Variants in SLC23A2 observed in about 807,000 individuals in gnomAD.
The protein encoded by SLC23A2 is solute carrier family 23 member 2, also known as Na(+)/L-ascorbic acid transporter 2.
SLC23A2 carries 36 observed loss-of-function variants against 73.3 expected under a neutral mutation model. That is an observed-to-expected ratio of 0.49 (90% CI 0.38 to 0.65). SLC23A2 has a LOEUF of 0.65. Ranked by LOEUF, SLC23A2 falls within the 30% of genes least tolerant of loss-of-function variation. The pLI is 0.00. For missense variants in SLC23A2, 507 were observed against 841.6 expected, an observed-to-expected ratio of 0.60 and a Z score of 4.92; for synonymous variants, 343 against 327.3, an observed-to-expected ratio of 1.05 and a Z score of -0.52.
At chr20:4,966,009 G>A (rs557947056) in intron 2 of SLC23A2, among the ~76,000 whole-genome samples, 1 of 150,038 alleles carries the variant, frequency 6.7e-6, no homozygotes, top group Non-Finnish European at 1.5e-5. Context: ...TCAAGGCTGC[G>A]GTGAGCTATA....
chr20:4,902,613 G>A lies in SLC23A2; in HGVS notation c.208-55C>T. ...TCATTAAACGTGAAGACCAGTGTTA[G>A]CTCGGCCATGTACAGGCCACTATTA... On this transcript the variant is annotated intron_variant, in intron 4 of 16. Transcript: ENST00000338244. This position sits in a 1 kb window ranked among gnomAD's most constrained non-coding sequence, Gnocchi z 4.0. 2 of 999,036 alleles carry A rather than the reference G, an allele frequency of 2.0e-6. No homozygotes were observed. Among genetic ancestry groups the A allele is most frequent in the Non-Finnish European group, 3.1e-6 (2 of 643,622 alleles). 61.9% of individuals were successfully genotyped at this position (999,036 alleles called of 1,614,324 possible). A position where few individuals can be genotyped will look rare whatever the true frequency, so the allele number is the denominator to read the frequency against.
intron 2 of SLC23A2, among the ~76,000 whole-genome samples, chr20:4,941,925 CACCAAAATGTTA>C (rs1250253301): frequency 3.9e-5 from 6 of 152,176 alleles, no homozygotes. Context: ...TGTATACACA[CACCAAAATGTTA>C]ACCAAAATGT....
At chr20:4,945,218 A>G (rs898969477) in intron 2 of SLC23A2, among the ~76,000 whole-genome samples, 1 of 152,208 alleles carries the variant, frequency 6.6e-6, no homozygotes, top group East Asian at 1.9e-4. Flanking sequence ...GTATGCTCAC[A>G]GCATGTGACT....
chr20:4,980,817 C>G (rs541118819), intron 1 of SLC23A2, among the ~76,000 whole-genome samples: 1 of 152,234 alleles, frequency 6.6e-6, no homozygotes, highest in Admixed American at 6.5e-5. Flanking sequence ...CCGGTGTGAG[C>G]CACCGCGCCC....
chr20:4,968,272 G>A (rs2122213001), intron 2 of SLC23A2, among the ~76,000 whole-genome samples: 1 of 152,282 alleles, frequency 6.6e-6, no homozygotes, highest in Non-Finnish European at 1.5e-5. Flanking sequence ...CAAGAGAGAT[G>A]CCACTACGGA....
At chr20:4,938,511 T>C (rs1235565460) in intron 2 of SLC23A2, among the ~76,000 whole-genome samples, 1 of 151,964 alleles carries the variant, frequency 6.6e-6, no homozygotes, top group Non-Finnish European at 1.5e-5. Context: ...GCTAATTTCG[T>C]ATTTTTAGTA....
At position 4,883,932 on chromosome 20, in the gene SLC23A2, A is replaced by G. The variant is rs1048781444; in HGVS notation, c.643-109T>C. The G allele has an allele frequency of 3.9e-6, 3 of 768,862 alleles. No individual in the cohort carries two copies. The African/African-American group carries it at 5.4e-5, about 14-fold the overall frequency. The allele number at this position is 768,862 out of a possible 1,614,324, so 47.6% of individuals were successfully genotyped here. A position where few individuals can be genotyped will look rare whatever the true frequency, so the allele number is the denominator to read the frequency against. ...ATTCTGCAAGGCAATAAGTTATTAC[A>G]TCATCTAACTTGGGAGAGATAGCTA... On this transcript the variant is annotated intron_variant, in intron 8 of 16. Coordinates refer to ENST00000338244, the MANE Select transcript of SLC23A2 (RefSeq NM_005116.6). This position sits in a 1 kb window ranked among gnomAD's most constrained non-coding sequence, Gnocchi z 4.5.
At chr20:4,876,100 T>C (rs1051544362) in intron 9 of SLC23A2, among the ~76,000 whole-genome samples, 3 of 152,152 alleles carry the variant, frequency 2.0e-5, no homozygotes, top group Non-Finnish European at 4.4e-5. Context: ...TTATTTCAAT[T>C]CCTCTGGGAT....
At chr20:4,891,523 T>C (rs1365094383) in intron 6 of SLC23A2, among the ~76,000 whole-genome samples, 2 of 152,222 alleles carry the variant, frequency 1.3e-5, no homozygotes, top group African/African-American at 4.8e-5. Context: ...CTGCCATAGA[T>C]TCCAGGGTCA....
rs367922490 is a variant in SLC23A2 at position 4,852,623 on chromosome 20, G to A, written c.*4349C>T. On this transcript the variant is annotated 3_prime_UTR_variant, in exon 17 of 17. Coordinates refer to ENST00000338244, the MANE Select transcript of SLC23A2 (RefSeq NM_005116.6). This position sits in a 1 kb window ranked among gnomAD's most constrained non-coding sequence, Gnocchi z 4.3. ...TAAAAAACAAACAAAACCCCAGAAA[G>A]GTATATATAGCCAAAGTCAGTCACA... 1.1e-4 allele frequency: 16 copies of A among 152,338 alleles called. No homozygotes were observed. The highest frequency in any genetic ancestry group is 3.9e-4 in the African/African-American group (16 of 41,350). The allele number at this position is 152,338 out of a possible 1,614,324, so 9.4% of individuals were successfully genotyped here.
rs1188997097 is a variant in SLC23A2, at chr20:4,998,726, A to G, written c.-282+2680T>C. 6.6e-6 allele frequency among the ~76,000 whole-genome samples: 1 copy of G among 152,120 alleles called. No individual in the cohort carries two copies. Among genetic ancestry groups the G allele is most frequent in the East Asian group, 1.9e-4 (1 of 5,196 alleles). ...GTTTAAATTTAAAAAGCCTAAGAGGATTAAATATAAATACGTTTTTAAAAA... is the reference window on the plus strand; with the variant it reads ...GTTTAAATTTAAAAAGCCTAAGAGGGTTAAATATAAATACGTTTTTAAAAA... On this transcript the variant is annotated intron_variant, in intron 1 of 16. Coordinates refer to ENST00000338244, the MANE Select transcript of SLC23A2 (RefSeq NM_005116.6). The surrounding 1 kb of genome is among the most constrained non-coding windows in gnomAD (Gnocchi z 4.1).
At position 4,989,068 on chromosome 20, in the gene SLC23A2, A is replaced by G. The variant is rs997612886; in HGVS notation, c.-282+12338T>C. Among the ~76,000 whole-genome samples the G allele has an allele frequency of 3.3e-5, 5 of 151,356 alleles. No homozygotes were observed. In the South Asian group the frequency reaches 6.3e-4, roughly 19 times the overall value. On this transcript the variant is annotated intron_variant, in intron 1 of 16. Transcript: ENST00000338244. ...AGCCTGACCAATGTGGTGAAACCCCATCTCTACTAAAAATACAAAAATTAG... is the reference window on the plus strand; with the variant it reads ...AGCCTGACCAATGTGGTGAAACCCCGTCTCTACTAAAAATACAAAAATTAG...
chr20:4,915,040 T>C (rs942181872), intron 3 of SLC23A2, among the ~76,000 whole-genome samples: 3 of 151,636 alleles, frequency 2.0e-5, no homozygotes, highest in African/African-American at 4.8e-5. Context: ...AATAAATAAA[T>C]AGCTAGCTGA....
At position 4,857,983 on chromosome 20, in the gene SLC23A2, C is replaced by T. The variant is rs552858310; in HGVS notation, c.1721-779G>A. ...AACAACAAAACACACAAAACAAACT[C>T]TGTAAAATGTAAATCTGAGTCAAAA... is the stretch of plus-strand genomic sequence containing the variant. On this transcript the variant is annotated intron_variant, in intron 16 of 16. Transcript: ENST00000338244. The surrounding 1 kb of genome is among the most constrained non-coding windows in gnomAD (Gnocchi z 4.0). Among the ~76,000 whole-genome samples the T allele has an allele frequency of 6.6e-6, 1 of 152,116 alleles. No homozygotes were observed. The highest frequency in any genetic ancestry group is 2.4e-5 in the African/African-American group (1 of 41,480).
intron 13 of SLC23A2, among the ~76,000 whole-genome samples, chr20:4,865,145 C>T (rs1458394196): frequency 6.6e-6 from 1 of 152,208 alleles, no homozygotes; most frequent in African/African-American, 2.4e-5. Context: ...GCACCTCCCT[C>T]CTGAACTGTG....
chr20:4,862,159 G>C lies in SLC23A2; in HGVS notation c.1487-74C>G. On this transcript the variant is annotated intron_variant, in intron 14 of 16. Transcript: ENST00000338244. The surrounding 1 kb of genome is among the most constrained non-coding windows in gnomAD (Gnocchi z 5.1). ...GACAGCTCAAGGCAGGTGAGGGCAG[G>C]CTCCCTGGCACCCCTTCTCTGTCCA... is the stretch of plus-strand genomic sequence containing the variant. The C allele has an allele frequency of 6.8e-7, 1 of 1,466,528 alleles. No individual in the cohort carries two copies. The highest frequency in any genetic ancestry group is 9.4e-7 in the Non-Finnish European group (1 of 1,061,990). The allele number at this position is 1,466,528 out of a possible 1,614,324, so 90.8% of individuals were successfully genotyped here.
At chr20:4,901,254 G>A (rs923221725) in intron 5 of SLC23A2, among the ~76,000 whole-genome samples, 9 of 152,028 alleles carry the variant, frequency 5.9e-5, no homozygotes, top group Admixed American at 2.0e-4. Flanking sequence ...AGGGAAGGGC[G>A]GGGCAACTGG....
intron 3 of SLC23A2, among the ~76,000 whole-genome samples, chr20:4,926,334 G>A (rs1177881398): frequency 6.6e-6 from 1 of 152,160 alleles, no homozygotes; most frequent in Non-Finnish European, 1.5e-5. Flanking sequence ...ACAACAGGCT[G>A]TGTGTGTCAC....
intron 2 of SLC23A2, among the ~76,000 whole-genome samples, chr20:4,936,203 G>A (rs375944602): frequency 3.9e-5 from 6 of 152,156 alleles, no homozygotes; most frequent in African/African-American, 1.4e-4. Flanking sequence ...AACCCAGAGT[G>A]AAAATAAACA....
Sources: allele counts gnomAD v4.1 joint callset (sites outside exome capture counted in the v4.1 genomes callset), GRCh38; gene constraint gnomAD v4.1.1; non-coding constraint Gnocchi (gnomAD v3.1); transcripts MANE v1.5; gene names NCBI Gene and HGNC (gene_info 2026-07-23, HGNC 2026-07-21).